The following NAV3 variants were observed in gnomAD, a reference collection of about 807,000 sequenced individuals.
The protein encoded by NAV3 is pore membrane and/or filament interacting like protein 1.
In NAV3, 87 loss-of-function variants were observed where a neutral mutation model predicts 244.7. The ratio of observed to expected loss-of-function variants is 0.36; its 90% CI spans 0.30 to 0.42. The LOEUF (loss-of-function observed/expected upper bound fraction) is 0.42. Among genes scored for constraint, NAV3 ranks in the 20% least tolerant of loss-of-function variants. NAV3 has a pLI of 1.00. For synonymous variants in NAV3, 1,126 were observed against 1,042.2 expected, an observed-to-expected ratio of 1.08 and a Z score of -1.55; for missense variants, 2,663 against 2,893.3, an observed-to-expected ratio of 0.92 and a Z score of 1.83.
At chr12:77,927,478 C>A (rs1888333172) in intron 1 of NAV3, among the ~76,000 whole-genome samples, 1 of 152,188 alleles carries the variant, frequency 6.6e-6, no homozygotes, top group Non-Finnish European at 1.5e-5. Flanking sequence ...AAATACTTCA[C>A]TTCTCTGTTT....
chr12:77,857,389 C>T (rs1004117566), intron 1 of NAV3, among the ~76,000 whole-genome samples: 4 of 151,314 alleles, frequency 2.6e-5, no homozygotes, highest in African/African-American at 9.7e-5. Flanking sequence ...TGTAATTTTT[C>T]TTTGGTGTTT....
intron 2 of NAV3, among the ~76,000 whole-genome samples, chr12:77,724,608 C>T (rs1185845185): frequency 1.3e-5 from 2 of 151,594 alleles, no homozygotes; most frequent in African/African-American, 2.4e-5. Context: ...ATGCTTTGTA[C>T]TAGTATTTTT....
At chr12:77,649,382 A>G (rs1450718736) in intron 2 of NAV3, among the ~76,000 whole-genome samples, 2 of 152,104 alleles carry the variant, frequency 1.3e-5, no homozygotes, top group African/African-American at 4.8e-5. Context: ...CTGTATGGTA[A>G]TACATCATAC....
intron 39 of NAV3, among the ~76,000 whole-genome samples, chr12:78,208,821 GGT>G (rs768080133): frequency 6.6e-6 from 1 of 151,948 alleles, no homozygotes; most frequent in African/African-American, 2.4e-5. Context: ...AAATCACTAG[GGT>G]GCTCAAAACT....
intron 2 of NAV3, among the ~76,000 whole-genome samples, chr12:77,755,257 A>C (rs1383867001): frequency 4.6e-5 from 7 of 152,204 alleles, no homozygotes; most frequent in African/African-American, 2.4e-5. Context: ...ATCACAATTA[A>C]TAATTTCTAG....
At chr12:77,817,156 G>C (rs1020979640) in intron 2 of NAV3, among the ~76,000 whole-genome samples, 3 of 152,040 alleles carry the variant, frequency 2.0e-5, no homozygotes, top group African/African-American at 7.2e-5. Flanking sequence ...TCACTTTATG[G>C]AAGGATCCTT....
intron 2 of NAV3, among the ~76,000 whole-genome samples, chr12:77,657,637 G>A (rs1041242921): frequency 8.5e-5 from 13 of 152,112 alleles, no homozygotes; most frequent in South Asian, 2.1e-4. Context: ...TACCAAAGCC[G>A]GGCAGAGATA....
intron 24 of NAV3, among the ~76,000 whole-genome samples, chr12:78,174,854 C>A (rs1243160907): frequency 4.0e-5 from 6 of 151,884 alleles, no homozygotes; most frequent in African/African-American, 1.2e-4. Context: ...TGGTATGATT[C>A]TATGAAATGG....
In NAV3 at chr12:77,767,972, TG is replaced by T. The variant is rs1696167872; in HGVS notation, c.73-172346del. On this transcript the variant is annotated intron_variant, in intron 2 of 8. Coordinates refer to the NAV3 transcript ENST00000550042. ...GCAGACAACTGGAGGGTGAGCAAGG[TG>T]AAGAAGTGCTTTATTGAGCAACAGT... Among the ~76,000 whole-genome samples, 5 of 152,202 alleles carry T rather than the reference TG, an allele frequency of 3.3e-5. No individual in the cohort carries two copies. The South Asian group carries it at 1.0e-3, about 32-fold the overall frequency.
At chr12:77,851,270 A>G (rs2136246013) in intron 1 of NAV3, among the ~76,000 whole-genome samples, 1 of 152,248 alleles carries the variant, frequency 6.6e-6, no homozygotes, top group Non-Finnish European at 1.5e-5. Flanking sequence ...TCAGGAATTC[A>G]AATTGTATCT....
intron 5 of NAV3, among the ~76,000 whole-genome samples, chr12:77,980,246 T>A (rs1869321613): frequency 6.6e-6 from 1 of 152,188 alleles, no homozygotes; most frequent in Non-Finnish European, 1.5e-5. Flanking sequence ...ATTTCTATGT[T>A]TATTCAAAAG....
At chr12:78,194,953 T>C (rs1959141112) in intron 34 of NAV3, among the ~76,000 whole-genome samples, 1 of 152,080 alleles carries the variant, frequency 6.6e-6, no homozygotes, top group Admixed American at 6.6e-5. Context: ...ACAAAATCTT[T>C]GATCTATACT....
chr12:78,038,487 C>G (rs1174840922), intron 9 of NAV3, among the ~76,000 whole-genome samples: 1 of 152,106 alleles, frequency 6.6e-6, no homozygotes, highest in Non-Finnish European at 1.5e-5. Context: ...TTTAGTGAAC[C>G]AGTTTTAGAA....
intron 20 of NAV3, among the ~76,000 whole-genome samples, chr12:78,143,591 C>T (rs1384674821): frequency 7.2e-6 from 1 of 139,256 alleles, no homozygotes; most frequent in Non-Finnish European, 1.5e-5. Flanking sequence ...CGCCACTGCA[C>T]TCCAGCCTGG....
intron 2 of NAV3, among the ~76,000 whole-genome samples, chr12:77,680,189 T>C (rs1874389310): frequency 1.3e-5 from 2 of 152,246 alleles, no homozygotes; most frequent in East Asian, 1.9e-4. Flanking sequence ...AATTTGCTTC[T>C]GATAAAATTT....
At chr12:77,700,620 C>A (rs1022763159) in intron 2 of NAV3, among the ~76,000 whole-genome samples, 1 of 152,020 alleles carries the variant, frequency 6.6e-6, no homozygotes, top group Non-Finnish European at 1.5e-5. Flanking sequence ...GGGAAAAACA[C>A]TTAGTCTTTT....
chr12:78,182,512 G>C (rs1185629336), intron 30 of NAV3, among the ~76,000 whole-genome samples: 1 of 151,854 alleles, frequency 6.6e-6, no homozygotes, highest in Admixed American at 6.6e-5. Context: ...AGGTTTGAAG[G>C]AGGCAAGTTT....
chr12:78,144,119 C>T (rs1354337755), intron 20 of NAV3, among the ~76,000 whole-genome samples: 1 of 152,092 alleles, frequency 6.6e-6, no homozygotes, highest in Non-Finnish European at 1.5e-5. Context: ...TTTTGATTAA[C>T]TGTATATTAA....
chr12:78,103,167 T>C (rs999047249), intron 12 of NAV3, among the ~76,000 whole-genome samples: 1 of 152,200 alleles, frequency 6.6e-6, no homozygotes, highest in African/African-American at 2.4e-5. Context: ...ACAACACCCG[T>C]CACCTCTTGA....
Sources: allele counts gnomAD v4.1 joint callset (sites outside exome capture counted in the v4.1 genomes callset), GRCh38; gene constraint gnomAD v4.1.1; transcripts MANE v1.5; gene names NCBI Gene and HGNC (gene_info 2026-07-23, HGNC 2026-07-21).